Variants in HES5 observed in about 807,000 individuals in gnomAD.
The protein encoded by HES5 is hes family bHLH transcription factor 5.
Under a neutral mutation model 9.6 loss-of-function variants are expected in HES5, and 12 were observed. That is an observed-to-expected ratio of 1.25 (90% confidence interval 0.80 to 2.03). The LOEUF is 2.03. Ranked by LOEUF, HES5 falls within the 30% of genes most tolerant of loss-of-function variation. HES5 has a pLI of 0.00. For missense variants in HES5, 255 were observed against 218.6 expected (o/e 1.17, Z -1.05); for synonymous variants, 131 against 102.4 (o/e 1.28, Z -1.69).
chr1:2,530,153 G>A lies in HES5; in HGVS notation c.12C>T (p.Ser4=), dbSNP rs1431446429. 1 of 1,523,286 alleles carries A rather than the reference G, an allele frequency of 6.6e-7. No individual in the cohort carries two copies. Among genetic ancestry groups the A allele is most frequent in the East Asian group, 2.6e-5 (1 of 37,854 alleles). The allele number at this position is 1,523,286 out of a possible 1,614,324, so 94.4% of individuals were successfully genotyped here. MAP[S]TVAVELLSPK... is the part of the protein sequence containing the mutation. The stretch of plus-strand genomic sequence containing the variant: ...GGCTGAGCAGCTCCACGGCCACAGT[G>A]CTGGGGGCCATGCCTGGCGCGGAAC... The change falls in exon 1 of 3, where the codon AGC becomes AGT. Residue 4 remains serine (S), a synonymous_variant. Coordinates refer to ENST00000378453, the MANE Select transcript of HES5 (RefSeq NM_001010926.4).
rs1418114318 is a variant in HES5, at chr1:2,530,253, C to A, written c.-89G>T. 2 of 1,167,576 alleles carry A rather than the reference C, an allele frequency of 1.7e-6. No individual in the cohort carries two copies. Among genetic ancestry groups the A allele is most frequent in the Admixed American group, 4.3e-5 (1 of 23,192 alleles). The allele number at this position is 1,167,576 out of a possible 1,614,324, so 72.3% of individuals were successfully genotyped here. ...CGGGCAAGGCCAAGCGCGTCCCGGG[C>A]TGGCGCGGACACCGGCCCCGCGCGC... On this transcript the variant is annotated 5_prime_UTR_variant, in exon 1 of 3. Coordinates refer to ENST00000378453, the MANE Select transcript of HES5 (RefSeq NM_001010926.4).
Position 2,529,590 on chromosome 1 carries a change from G to C in HES5, c.380C>G (p.Ala127Gly). The change falls in exon 3 of 3, where the codon GCC (alanine) becomes GGC (glycine). Residue 127 changes from alanine (A) to glycine (G), a missense_variant. Transcript: ENST00000378453. This position sits in a 1 kb window ranked among gnomAD's most constrained non-coding sequence, Gnocchi z 4.5. The part of the protein sequence containing the change: ...YHFQRPPAAP[A>G]APAKEPKAPG... The stretch of plus-strand genomic sequence containing the variant: ...CGCCTTGGGCTCCTTGGCGGGCGCG[G>C]CGGGCGCGGCCGGGGGCCGCTGGAA... 3 of 1,170,818 alleles carry C rather than the reference G, an allele frequency of 2.6e-6. No individual in the cohort carries two copies. Among genetic ancestry groups the C allele is most frequent in the Non-Finnish European group, 3.2e-6 (3 of 942,996 alleles). The allele number at this position is 1,170,818 out of a possible 1,614,324, so 72.5% of individuals were successfully genotyped here.
Position 2,529,518 on chromosome 1 carries a change from G to A in HES5, c.452C>T (p.Ala151Val), listed in dbSNP as rs1643976558. The change falls in exon 3 of 3, where the codon GCC becomes GTC. Residue 151 changes from alanine to valine, a missense_variant. Ala to Val is a moderately conservative substitution (Grantham distance 64, BLOSUM62 0). Coordinates refer to ENST00000378453, the MANE Select transcript of HES5 (RefSeq NM_001010926.4). This position sits in a 1 kb window ranked among gnomAD's most constrained non-coding sequence, Gnocchi z 4.5. ...GGCGGGCTGGTGCGCGGCGGCGGCG[G>A]CGGCGGTGGCCTTGGCGGAGAGCGC... Reference protein sequence around the residue: ...PPALSAKATAAAAAAHQPACG... With the variant: ...PPALSAKATAVAAAAHQPACG... The A allele has an allele frequency of 9.4e-7, 1 of 1,061,854 alleles. No homozygotes were observed. Among genetic ancestry groups the A allele is most frequent in the African/African-American group, 1.7e-5 (1 of 58,566 alleles). 65.8% of individuals were successfully genotyped at this position (1,061,854 alleles called of 1,614,324 possible). A position where few individuals can be genotyped will look rare whatever the true frequency, so the allele number is the denominator to read the frequency against.
At position 2,530,006 on chromosome 1, in the gene HES5, C is replaced by T. The variant is rs766842144; in HGVS notation, c.60G>A (p.Arg20=). ...LLSPKEKNRL[R]KPVVEKMRRD... is the part of the protein sequence containing the mutation. ...GGCGCATCTTCTCCACCACCGGCTT[C>T]CGCAGCTGCGGGAGGAGGGGGTGTC... Residue 20 remains arginine (R), a synonymous_variant, in exon 2 of 3, where the codon CGG becomes CGA. Transcript: ENST00000378453. The T allele has an allele frequency of 3.1e-6, 5 of 1,602,922 alleles. No individual in the cohort carries two copies. The highest frequency in any genetic ancestry group is 4.3e-6 in the Non-Finnish European group (5 of 1,173,610).
Position 2,528,989 on chromosome 1 carries a change from G to A in HES5, c.*480C>T, listed in dbSNP as rs187315285. 5.3e-3 allele frequency: 806 copies of A among 152,616 alleles called. 3 individuals are homozygous for A. Among genetic ancestry groups the A allele is most frequent in the Non-Finnish European group, 8.0e-3 (542 of 68,026 alleles). 9.5% of individuals were successfully genotyped at this position (152,616 alleles called of 1,614,324 possible). On this transcript the variant is annotated 3_prime_UTR_variant, in exon 3 of 3. Coordinates refer to ENST00000378453, the MANE Select transcript of HES5 (RefSeq NM_001010926.4). Reference sequence around the variant, plus strand: ...ATGGCCCTCAGGGTCCTGGACGCCCGTCCGGGGTGATCACTGTTTCCTATG... The same window carrying A: ...ATGGCCCTCAGGGTCCTGGACGCCCATCCGGGGTGATCACTGTTTCCTATG...
chr1:2,530,221 G>A lies in HES5; in HGVS notation c.-57C>T, dbSNP rs910606561. The A allele has an allele frequency of 1.0e-5, 14 of 1,400,316 alleles. No individual in the cohort carries two copies. In the Admixed American group the frequency reaches 2.3e-4, roughly 23 times the overall value. The allele number at this position is 1,400,316 out of a possible 1,614,324, so 86.7% of individuals were successfully genotyped here. A position where few individuals can be genotyped will look rare whatever the true frequency, so the allele number is the denominator to read the frequency against. On this transcript the variant is annotated 5_prime_UTR_variant, in exon 1 of 3. Transcript: ENST00000378453. ...GGGGAGGCCGGGCGAGACGAGGCGA[G>A]CGGGCGCGGGCAAGGCCAAGCGCGT...
rs1643989442 is a variant in HES5 at position 2,530,228 on chromosome 1, C to T, written c.-64G>A. ...CCGGGCGAGACGAGGCGAGCGGGCG[C>T]GGGCAAGGCCAAGCGCGTCCCGGGC... On this transcript the variant is annotated 5_prime_UTR_variant, in exon 1 of 3. Transcript: ENST00000378453. The T allele has an allele frequency of 1.5e-6, 2 of 1,368,626 alleles. No homozygotes were observed. Among genetic ancestry groups the T allele is most frequent in the African/African-American group, 1.5e-5 (1 of 65,802 alleles). 84.8% of individuals were successfully genotyped at this position (1,368,626 alleles called of 1,614,324 possible).
In HES5 at chr1:2,529,246, T is replaced by G. The variant is rs1250791618; in HGVS notation, c.*223A>C. 1 of 233,230 alleles carries G rather than the reference T, an allele frequency of 4.3e-6. No individual in the cohort carries two copies. Among genetic ancestry groups the G allele is most frequent in the East Asian group, 1.6e-4 (1 of 6,346 alleles). 14.4% of individuals were successfully genotyped at this position (233,230 alleles called of 1,614,324 possible). A position where few individuals can be genotyped will look rare whatever the true frequency, so the allele number is the denominator to read the frequency against. Reference sequence around the variant, plus strand: ...AGAACAACCCCATGGGGTCAGACACTTGGCAGAAGATGGGCCCTGATTGTC... The same window carrying G: ...AGAACAACCCCATGGGGTCAGACACGTGGCAGAAGATGGGCCCTGATTGTC... On this transcript the variant is annotated 3_prime_UTR_variant, in exon 3 of 3. Transcript: ENST00000378453. The surrounding 1 kb of genome is among the most constrained non-coding windows in gnomAD (Gnocchi z 4.5).
chr1:2,529,516 C>G lies in HES5; in HGVS notation c.454G>C (p.Ala152Pro), dbSNP rs1043787911. Residue 152 changes from alanine to proline, a missense_variant, in exon 3 of 3, where the codon GCC (alanine) becomes CCC (proline). By Grantham distance (27) the Ala-to-Pro change is conservative. Transcript: ENST00000378453. The surrounding 1 kb of genome is among the most constrained non-coding windows in gnomAD (Gnocchi z 4.5). The part of the protein sequence containing the change: ...PALSAKATAA[A>P]AAAHQPACGL... ...CAGGCGGGCTGGTGCGCGGCGGCGGCGGCGGCGGTGGCCTTGGCGGAGAGC... is the reference window on the plus strand; with the variant it reads ...CAGGCGGGCTGGTGCGCGGCGGCGGGGGCGGCGGTGGCCTTGGCGGAGAGC... The G allele has an allele frequency of 9.4e-7, 1 of 1,060,996 alleles. No individual in the cohort carries two copies. Among genetic ancestry groups the G allele is most frequent in the African/African-American group, 1.7e-5 (1 of 58,556 alleles). The allele number at this position is 1,060,996 out of a possible 1,614,324, so 65.7% of individuals were successfully genotyped here.
Position 2,529,735 on chromosome 1 carries a change from C to A in HES5, c.235G>T (p.Ala79Ser). The stretch of plus-strand genomic sequence containing the variant: ...TCCTGGTGCAGGCTCTTGGGGCCGG[C>A]GGCGGCGACGAAGGCTGCGGGGAGA... ...LKHSKAFVAA[A>S]GPKSLHQDYS... The change falls in exon 3 of 3, where the codon GCC becomes TCC. Residue 79 changes from alanine (A) to serine (S), a missense_variant. Coordinates refer to ENST00000378453, the MANE Select transcript of HES5 (RefSeq NM_001010926.4). This position sits in a 1 kb window ranked among gnomAD's most constrained non-coding sequence, Gnocchi z 4.5. 1.6e-6 allele frequency: 2 copies of A among 1,242,516 alleles called. No homozygotes were observed. The highest frequency in any genetic ancestry group is 3.1e-5 in the South Asian group (1 of 32,554). 77.0% of individuals were successfully genotyped at this position (1,242,516 alleles called of 1,614,324 possible).
chr1:2,530,008 G>A lies in HES5; in HGVS notation c.58C>T (p.Arg20Trp), dbSNP rs1224041687. ...CGCATCTTCTCCACCACCGGCTTCCGCAGCTGCGGGAGGAGGGGGTGTCAG... is the reference window on the plus strand; with the variant it reads ...CGCATCTTCTCCACCACCGGCTTCCACAGCTGCGGGAGGAGGGGGTGTCAG... ...LLSPKEKNRL[R>W]KPVVEKMRRD... The change falls in exon 2 of 3, where the codon CGG (arginine) becomes TGG (tryptophan). Residue 20 changes from arginine to tryptophan, a missense_variant. Transcript: ENST00000378453. 2 of 1,601,928 alleles carry A rather than the reference G, an allele frequency of 1.2e-6. No homozygotes were observed. The highest frequency in any genetic ancestry group is 1.7e-6 in the Non-Finnish European group (2 of 1,173,020).
At position 2,529,496 on chromosome 1, in the gene HES5, G is replaced by A. The variant is rs1643976035; in HGVS notation, c.474C>T (p.Pro158=). Residue 158 remains proline, a synonymous_variant, in exon 3 of 3, where the codon CCC becomes CCT. Transcript: ENST00000378453. The surrounding 1 kb of genome is among the most constrained non-coding windows in gnomAD (Gnocchi z 4.5). ...ACCAGGGCCGCCAGAGGCCGCAGGC[G>A]GGCTGGTGCGCGGCGGCGGCGGCGG... ...ATAAAAAAHQ[P]ACGLWRPW 2 of 1,059,512 alleles carry A rather than the reference G, an allele frequency of 1.9e-6. No homozygotes were observed. The highest frequency in any genetic ancestry group is 2.3e-6 in the Non-Finnish European group (2 of 878,796). The allele number at this position is 1,059,512 out of a possible 1,614,324, so 65.6% of individuals were successfully genotyped here. A position where few individuals can be genotyped will look rare whatever the true frequency, so the allele number is the denominator to read the frequency against.
Position 2,529,424 on chromosome 1 carries a change from C to T in HES5, c.*45G>A. On this transcript the variant is annotated 3_prime_UTR_variant, in exon 3 of 3. Coordinates refer to ENST00000378453, the MANE Select transcript of HES5 (RefSeq NM_001010926.4). The surrounding 1 kb of genome is among the most constrained non-coding windows in gnomAD (Gnocchi z 4.5). ...CTTCCCTACAGGCGAGAGGAGCAGG[C>T]TCGCCCTCTGGTCGTCGGGCCGCGC... 1.3e-5 allele frequency: 14 copies of T among 1,071,870 alleles called. No individual in the cohort carries two copies. Among genetic ancestry groups the T allele is most frequent in the Non-Finnish European group, 1.6e-5 (14 of 885,814 alleles). 66.4% of individuals were successfully genotyped at this position (1,071,870 alleles called of 1,614,324 possible).
rs926288937 is a variant in HES5 at position 2,529,378 on chromosome 1, G to A, written c.*91C>T. 3.2e-5 allele frequency: 32 copies of A among 996,996 alleles called. No homozygotes were observed. Among genetic ancestry groups the A allele is most frequent in the Non-Finnish European group, 3.8e-5 (32 of 837,004 alleles). The allele number at this position is 996,996 out of a possible 1,614,324, so 61.8% of individuals were successfully genotyped here. On this transcript the variant is annotated 3_prime_UTR_variant, in exon 3 of 3. Coordinates refer to ENST00000378453, the MANE Select transcript of HES5 (RefSeq NM_001010926.4). The surrounding 1 kb of genome is among the most constrained non-coding windows in gnomAD (Gnocchi z 4.5). ...GGAGAAGGGCGCGTCCAAGCCCGGGGCGGACGACGGCGGGAAGGCGCTTCC... is the reference window on the plus strand; with the variant it reads ...GGAGAAGGGCGCGTCCAAGCCCGGGACGGACGACGGCGGGAAGGCGCTTCC...
In HES5 at chr1:2,529,599, G is replaced by T; in HGVS notation, c.371C>A (p.Ala124Asp). The T allele has an allele frequency of 8.3e-7, 1 of 1,202,692 alleles. No individual in the cohort carries two copies. The allele number at this position is 1,202,692 out of a possible 1,614,324, so 74.5% of individuals were successfully genotyped here. The change falls in exon 3 of 3, where the codon GCC becomes GAC. Residue 124 changes from alanine (A) to aspartate (D), a missense_variant. Coordinates refer to ENST00000378453, the MANE Select transcript of HES5 (RefSeq NM_001010926.4). The surrounding 1 kb of genome is among the most constrained non-coding windows in gnomAD (Gnocchi z 4.5). ...KLLYHFQRPP[A>D]APAAPAKEPK... Reference sequence around the variant, plus strand: ...CTCCTTGGCGGGCGCGGCGGGCGCGGCCGGGGGCCGCTGGAAGTGGTACAG... The same window carrying T: ...CTCCTTGGCGGGCGCGGCGGGCGCGTCCGGGGGCCGCTGGAAGTGGTACAG...
Position 2,529,703 on chromosome 1 carries a change from G to A in HES5, c.267C>T (p.Ser89=), listed in dbSNP as rs1190028370. ...CCTGCAGGCACCACGAGTAGCCTTC[G>A]CTGTAGTCCTGGTGCAGGCTCTTGG... ...AGPKSLHQDY[S]EGYSWCLQEA... is the part of the protein sequence containing the mutation. Residue 89 remains serine, a synonymous_variant, in exon 3 of 3, where the codon AGC becomes AGT. Coordinates refer to ENST00000378453, the MANE Select transcript of HES5 (RefSeq NM_001010926.4). This position sits in a 1 kb window ranked among gnomAD's most constrained non-coding sequence, Gnocchi z 4.5. The A allele has an allele frequency of 7.7e-7, 1 of 1,293,524 alleles. No individual in the cohort carries two copies. The highest frequency in any genetic ancestry group is 9.9e-7 in the Non-Finnish European group (1 of 1,007,266). 80.1% of individuals were successfully genotyped at this position (1,293,524 alleles called of 1,614,324 possible).
At position 2,529,666 on chromosome 1, in the gene HES5, A is replaced by G; in HGVS notation, c.304T>C (p.Phe102Leu). 2.3e-6 allele frequency: 3 copies of G among 1,324,254 alleles called. No individual in the cohort carries two copies. Among genetic ancestry groups the G allele is most frequent in the Non-Finnish European group, 2.9e-6 (3 of 1,019,336 alleles). 82.0% of individuals were successfully genotyped at this position (1,324,254 alleles called of 1,614,324 possible). Residue 102 changes from phenylalanine (F) to leucine (L), a missense_variant, in exon 3 of 3, where the codon TTC (phenylalanine) becomes CTC (leucine). Physicochemically the swap from Phe to Leu is conservative, Grantham distance 22 (BLOSUM62 0). Transcript: ENST00000378453. The surrounding 1 kb of genome is among the most constrained non-coding windows in gnomAD (Gnocchi z 4.5). Reference sequence around the variant, plus strand: ...TCGCTGGCGGCGTGGAGCGTCAGGAACTGCACGGCCTCCTGCAGGCACCAC... The same window carrying G: ...TCGCTGGCGGCGTGGAGCGTCAGGAGCTGCACGGCCTCCTGCAGGCACCAC... Reference protein sequence around the residue: ...YSWCLQEAVQFLTLHAASDTQ... With the variant: ...YSWCLQEAVQLLTLHAASDTQ...
Position 2,529,443 on chromosome 1 carries a change from GCCGCGCGC to G in HES5, c.*18_*25del. 1.9e-6 allele frequency: 2 copies of G among 1,067,086 alleles called. No individual in the cohort carries two copies. The highest frequency in any genetic ancestry group is 2.3e-6 in the Non-Finnish European group (2 of 882,976). The allele number at this position is 1,067,086 out of a possible 1,614,324, so 66.1% of individuals were successfully genotyped here. ...AGCAGGCTCGCCCTCTGGTCGTCGG[GCCGCGCGC>G]CCGCAGGTCCCGCCGGGTCACCAGG... On this transcript the variant is annotated 3_prime_UTR_variant, in exon 3 of 3. Coordinates refer to ENST00000378453, the MANE Select transcript of HES5 (RefSeq NM_001010926.4). This position sits in a 1 kb window ranked among gnomAD's most constrained non-coding sequence, Gnocchi z 4.5.
At position 2,529,581 on chromosome 1, in the gene HES5, G is replaced by C; in HGVS notation, c.389C>G (p.Ala130Gly). 4 of 1,144,980 alleles carry C rather than the reference G, an allele frequency of 3.5e-6. No homozygotes were observed. The South Asian group carries it at 1.5e-4, about 43-fold the overall frequency. The allele number at this position is 1,144,980 out of a possible 1,614,324, so 70.9% of individuals were successfully genotyped here. Residue 130 changes from alanine to glycine, a missense_variant, in exon 3 of 3, where the codon GCC (alanine) becomes GGC (glycine). Coordinates refer to ENST00000378453, the MANE Select transcript of HES5 (RefSeq NM_001010926.4). The surrounding 1 kb of genome is among the most constrained non-coding windows in gnomAD (Gnocchi z 4.5). ...GGCGCCCGGCGCCTTGGGCTCCTTG[G>C]CGGGCGCGGCGGGCGCGGCCGGGGG... ...QRPPAAPAAP[A>G]KEPKAPGAAP... is the part of the protein sequence containing the mutation.
Sources: gnomAD v4.1 joint callset for allele counts on GRCh38, gnomAD v4.1.1 for gene constraint, Gnocchi (gnomAD v3.1) non-coding constraint, MANE v1.5 for transcripts, NCBI Gene and HGNC (gene_info 2026-07-23, HGNC 2026-07-21) for gene names.